OXR1: variants seen among roughly 807,000 people sequenced by gnomAD.
OXR1 encodes the protein oxidation resistance 1, also known as oxidation resistance protein 1.
Under a neutral mutation model 104.6 loss-of-function variants are expected in OXR1, and 41 were observed. The observed-to-expected ratio is 0.39, with a 90% confidence interval of 0.31 to 0.51. The LOEUF is 0.51. OXR1 is among the 20% of genes least tolerant of loss of function. The pLI, the probability that OXR1 is intolerant of heterozygous loss-of-function variation, is 0.77. For missense variants in OXR1, 955 were observed against 1,031.9 expected (o/e 0.93, Z 1.02); for synonymous variants, 348 against 348.4 (o/e 1.00, Z 0.01).
Position 106,715,444 on chromosome 8 carries a change from A to G in OXR1, c.1956+1459A>G, listed in dbSNP as rs1239893062. Among the ~76,000 whole-genome samples the G allele has an allele frequency of 2.7e-5, 4 of 148,256 alleles. No homozygotes were observed. In the East Asian group the frequency reaches 7.8e-4, roughly 29 times the overall value. ...TATATAATATATATATGTATCTTAT[A>G]TATATATATATTATATACATCTATG... is the stretch of plus-strand genomic sequence containing the variant. On this transcript the variant is annotated intron_variant, in intron 11 of 16. Transcript: ENST00000517566.
intron 2 of OXR1, among the ~76,000 whole-genome samples, chr8:106,401,673 C>A (rs1818007590): frequency 6.6e-6 from 1 of 152,182 alleles, no homozygotes; most frequent in Non-Finnish European, 1.5e-5. Flanking sequence ...GATGCAACAA[C>A]TTATCCTTCA....
chr8:106,659,339 A>C (rs1825507570), intron 3 of OXR1, among the ~76,000 whole-genome samples: 1 of 152,234 alleles, frequency 6.6e-6, no homozygotes, highest in African/African-American at 2.4e-5. Flanking sequence ...GCTTTGAAGA[A>C]ATATTAAAGT....
At chr8:106,558,740 A>G (rs943280911) in intron 3 of OXR1, among the ~76,000 whole-genome samples, 2 of 152,224 alleles carry the variant, frequency 1.3e-5, no homozygotes, top group African/African-American at 4.8e-5. Context: ...TCATAAGATG[A>G]TGAATTCAAC....
chr8:106,420,219 G>A (rs1016798843), intron 2 of OXR1, among the ~76,000 whole-genome samples: 1 of 152,036 alleles, frequency 6.6e-6, no homozygotes, highest in African/African-American at 2.4e-5. Flanking sequence ...TGTTAAATTG[G>A]TTATGAATTG....
chr8:106,271,268 C>A (rs995196630), intron 1 of OXR1, among the ~76,000 whole-genome samples: 1 of 147,744 alleles, frequency 6.8e-6, no homozygotes, highest in South Asian at 2.1e-4. Flanking sequence ...GGCTTGGACG[C>A]ACCTCGGCTC....
At chr8:106,294,220 G>T (rs1812882715) in intron 1 of OXR1, among the ~76,000 whole-genome samples, 1 of 151,332 alleles carries the variant, frequency 6.6e-6, no homozygotes, top group African/African-American at 2.4e-5. Flanking sequence ...GGCCAACATG[G>T]TGAAACCCCG....
At chr8:106,630,328 A>C (rs552090078) in intron 3 of OXR1, among the ~76,000 whole-genome samples, 53 of 152,336 alleles carry the variant, frequency 3.5e-4, no homozygotes, top group African/African-American at 1.3e-3. Flanking sequence ...ATCTCTGAAC[A>C]GAGAAGGATT....
chr8:106,591,699 TG>T (rs1197432622), intron 3 of OXR1, among the ~76,000 whole-genome samples: 2 of 151,528 alleles, frequency 1.3e-5, no homozygotes, highest in Non-Finnish European at 2.9e-5. Flanking sequence ...ACCCAATTAT[TG>T]GGGGAGTGGG....
At chr8:106,474,012 TACACACACACACACACAC>T (rs199751152) in intron 2 of OXR1, among the ~76,000 whole-genome samples, 18 of 137,404 alleles carry the variant, frequency 1.3e-4, no homozygotes, top group East Asian at 4.2e-4. Context: ...TGTATATTTA[TACACACACACACACACAC>T]ACACACACAC....
At chr8:106,538,866 T>A (rs1042637704) in intron 3 of OXR1, among the ~76,000 whole-genome samples, 4 of 152,190 alleles carry the variant, frequency 2.6e-5, no homozygotes, top group African/African-American at 9.7e-5. Context: ...GAACTGCATA[T>A]GCTGGATGCT....
chr8:106,466,905 T>C (rs974778225), intron 2 of OXR1, among the ~76,000 whole-genome samples: 6 of 151,990 alleles, frequency 3.9e-5, no homozygotes, highest in African/African-American at 1.4e-4. Flanking sequence ...TATTTGATAT[T>C]GTACAGCTGA....
chr8:106,740,573 C>T, intron 14 of OXR1, 78 bp downstream of exon 14: 1 of 1,206,136 alleles, frequency 8.3e-7, no homozygotes, highest in Non-Finnish European at 1.2e-6. Flanking sequence ...ATTTGATAAA[C>T]ATTACTTTAT....
intron 2 of OXR1, among the ~76,000 whole-genome samples, chr8:106,513,580 A>G (rs940105167): frequency 6.6e-6 from 1 of 152,192 alleles, no homozygotes; most frequent in African/African-American, 2.4e-5. Context: ...CCCACACTCC[A>G]GAATGAGTCA....
chr8:106,663,077 T>C (rs1036447366), intron 3 of OXR1, among the ~76,000 whole-genome samples: 1 of 152,090 alleles, frequency 6.6e-6, no homozygotes, highest in Non-Finnish European at 1.5e-5. Context: ...TTCAAAAAAA[T>C]CCAAAACACT....
intron 11 of OXR1, among the ~76,000 whole-genome samples, chr8:106,718,082 A>T (rs1420640879): frequency 2.0e-5 from 3 of 152,176 alleles, no homozygotes; most frequent in Non-Finnish European, 4.4e-5. Flanking sequence ...AACATTTTCT[A>T]TTTACTGCGA....
At chr8:106,562,429 T>C (rs1563607343) in intron 3 of OXR1, among the ~76,000 whole-genome samples, 1 of 152,012 alleles carries the variant, frequency 6.6e-6, no homozygotes, top group Non-Finnish European at 1.5e-5. Flanking sequence ...GAAAAAGGAA[T>C]GAAAGTGAAT....
chr8:106,749,288 C>T (rs542996409), intron 16 of OXR1, among the ~76,000 whole-genome samples: 5 of 150,400 alleles, frequency 3.3e-5, no homozygotes, highest in South Asian at 4.2e-4. Context: ...GCTTGCAGTG[C>T]GCCAAGATCA....
chr8:106,551,860 A>ATGTG (rs71307068), intron 3 of OXR1, among the ~76,000 whole-genome samples: 13,830 of 126,338 alleles, frequency 0.11, 794 homozygotes, highest in Middle Eastern at 0.12. Flanking sequence ...GTGTATATAT[A>ATGTG]TGTGTGTGTG....
intron 3 of OXR1, among the ~76,000 whole-genome samples, chr8:106,594,025 G>A (rs755466233): frequency 9.2e-5 from 14 of 152,186 alleles, no homozygotes; most frequent in Non-Finnish European, 1.0e-4. Flanking sequence ...GGAACAGGCC[G>A]TTATGTTGAA....
Sources: gnomAD v4.1 joint callset for allele counts (sites outside exome capture counted in the v4.1 genomes callset) on GRCh38, gnomAD v4.1.1 for gene constraint, MANE v1.5 for transcripts, NCBI Gene and HGNC (gene_info 2026-07-23, HGNC 2026-07-21) for gene names.